Variants in PRDM1 observed in about 807,000 individuals in gnomAD.
PRDM1 encodes PR/SET domain 1.
PRDM1 carries 13 observed loss-of-function variants against 62.8 expected under a neutral mutation model. The observed-to-expected ratio is 0.21, with a 90% CI of 0.13 to 0.33. The LOEUF (loss-of-function observed/expected upper bound fraction) is 0.33, where lower values mean the gene tolerates loss of function less well. PRDM1 is among the 10% of genes least tolerant of loss of function. PRDM1 has a pLI of 1.00. For missense variants in PRDM1, 895 were observed against 1,058.8 expected (o/e 0.85, Z 2.15); for synonymous variants, 396 against 417.6 (o/e 0.95, Z 0.63).
At chr6:106,064,934 C>T (rs566107065) in intron 1 of PRDM1, among the ~76,000 whole-genome samples, 12 of 152,232 alleles carry the variant, frequency 7.9e-5, no homozygotes, top group African/African-American at 2.9e-4. Flanking sequence ...AGAGATGATG[C>T]TCTCTGCTGT....
intron 1 of PRDM1, among the ~76,000 whole-genome samples, chr6:106,068,632 C>T (rs1773469482): frequency 6.6e-6 from 1 of 152,112 alleles, no homozygotes; most frequent in South Asian, 2.1e-4. Context: ...ACGTTGTTAC[C>T]ACAAGCTGTA....
intron 2 of PRDM1, among the ~76,000 whole-genome samples, chr6:106,089,270 T>G (rs1233564656): frequency 6.6e-6 from 1 of 152,242 alleles, no homozygotes; most frequent in African/African-American, 2.4e-5. Flanking sequence ...AGTCTACTAC[T>G]GGGTTGAGTT....
At chr6:106,085,873 T>G, upstream of PRDM1, among the ~76,000 whole-genome samples, 1 of 148,500 alleles carries the variant, frequency 6.7e-6, no homozygotes, top group African/African-American at 2.4e-5. Context: ...CGGGGAAACG[T>G]GCGTTACATA....
chr6:106,099,104 A>T (rs746584965), intron 3 of PRDM1, 196 bp from the exon 4 acceptor site: 1 of 1,613,922 alleles, frequency 6.2e-7, no homozygotes, highest in Non-Finnish European at 8.5e-7. Context: ...GGTAACTGAC[A>T]AAAGTGTGCC....
upstream of PRDM1, among the ~76,000 whole-genome samples, chr6:106,047,766 C>G (rs1308799862): frequency 3.3e-5 from 5 of 152,104 alleles, no homozygotes; most frequent in African/African-American, 1.2e-4. Flanking sequence ...AGTTGAGAAC[C>G]TTTGATAGTT....
chr6:106,029,710 G>T (rs1203293875), intron 1 of PRDM1, among the ~76,000 whole-genome samples: 1 of 152,030 alleles, frequency 6.6e-6, no homozygotes, highest in Non-Finnish European at 1.5e-5. Context: ...AGGCTCAGGT[G>T]ATCCTCCTAC....
chr6:106,039,253 G>A (rs1772961007), intron 1 of PRDM1, among the ~76,000 whole-genome samples: 1 of 152,186 alleles, frequency 6.6e-6, no homozygotes, highest in Non-Finnish European at 1.5e-5. Flanking sequence ...GAGGCTCAGA[G>A]CTTTCCTCAA....
chr6:106,052,201 A>G (rs1773187255), intron 1 of PRDM1, among the ~76,000 whole-genome samples: 1 of 11,722 alleles, frequency 8.5e-5, no homozygotes, highest in Admixed American at 7.8e-4. Flanking sequence ...TACCACAATA[A>G]AGAAATATTC....
In PRDM1 at chr6:106,109,241, C is replaced by T. The variant is rs962805444; in HGVS notation, c.*1755C>T. Reference sequence around the variant, plus strand: ...GCAGTGGTGGGGACCACAAAACAACCAGGGAGGAAGAGATACATCATTTTT... The same window carrying T: ...GCAGTGGTGGGGACCACAAAACAACTAGGGAGGAAGAGATACATCATTTTT... On this transcript the variant is annotated 3_prime_UTR_variant, in exon 7 of 7. Transcript: ENST00000369096. 1 of 231,672 alleles carries T rather than the reference C, an allele frequency of 4.3e-6. No individual in the cohort carries two copies. The allele number at this position is 231,672 out of a possible 1,614,324, so 14.4% of individuals were successfully genotyped here. A position where few individuals can be genotyped will look rare whatever the true frequency, so the allele number is the denominator to read the frequency against.
At chr6:106,084,307 G>A (rs1043049994), upstream of PRDM1, among the ~76,000 whole-genome samples, 1 of 152,132 alleles carries the variant, frequency 6.6e-6, no homozygotes, top group African/African-American at 2.4e-5. Context: ...GGGTTGCCTG[G>A]CTAAGCCCCA....
At chr6:106,054,018 G>A (rs552230414) in intron 1 of PRDM1, among the ~76,000 whole-genome samples, 1 of 152,110 alleles carries the variant, frequency 6.6e-6, no homozygotes, top group East Asian at 1.9e-4. Flanking sequence ...CAGGATCATT[G>A]TGTTGGTCTC....
intron 1 of PRDM1, among the ~76,000 whole-genome samples, chr6:106,009,805 C>G (rs1029415073): frequency 6.6e-6 from 1 of 152,164 alleles, no homozygotes; most frequent in Non-Finnish European, 1.5e-5. Context: ...GCAACCTCTG[C>G]TTCCTGAGTT....
At chr6:106,021,019 A>G (rs1179585666) in intron 1 of PRDM1, among the ~76,000 whole-genome samples, 1 of 152,172 alleles carries the variant, frequency 6.6e-6, no homozygotes, top group Admixed American at 6.5e-5. Context: ...TCTTATTATA[A>G]AAGACTAGCA....
At chr6:106,051,841 G>A (rs1008325594) in intron 1 of PRDM1, among the ~76,000 whole-genome samples, 1 of 152,172 alleles carries the variant, frequency 6.6e-6, no homozygotes, top group African/African-American at 2.4e-5. Context: ...CAGGTAACCA[G>A]TTTGTTTTCT....
At chr6:106,036,944 A>G (rs1020126450) in intron 1 of PRDM1, among the ~76,000 whole-genome samples, 9 of 152,198 alleles carry the variant, frequency 5.9e-5, no homozygotes, top group African/African-American at 2.2e-4. Flanking sequence ...ACTCCCAAGT[A>G]GCTGGGACTA....
At position 106,095,640 on chromosome 6, in the gene PRDM1, A is replaced by C. The variant is rs776311086; in HGVS notation, c.317A>C (p.Tyr106Ser). The C allele has an allele frequency of 6.2e-7, 1 of 1,614,144 alleles. No individual in the cohort carries two copies. The highest frequency in any genetic ancestry group is 2.2e-5 in the East Asian group (1 of 44,886). The part of the protein sequence containing the change: ...EEVIGVMSKE[Y>S]IPKGTRFGPL... ...GTTATTGGAGTGATGAGTAAAGAAT[A>C]CATACCAAAGGGCACACGTTTTGGA... The change falls in exon 3 of 7, where the codon TAC (tyrosine) becomes TCC (serine). Residue 106 changes from tyrosine (Y) to serine (S), a missense_variant. Transcript: ENST00000369096.
chr6:106,064,581 C>T (rs941253670), intron 1 of PRDM1, among the ~76,000 whole-genome samples: 5 of 152,180 alleles, frequency 3.3e-5, no homozygotes, highest in Admixed American at 3.3e-4. Context: ...GGCCCAGCCT[C>T]AATTTATCTT....
intron 1 of PRDM1, among the ~76,000 whole-genome samples, chr6:105,998,945 T>TC (rs1772395081): frequency 7.7e-6 from 1 of 129,652 alleles, no homozygotes; most frequent in Non-Finnish European, 1.6e-5. Context: ...TTTTTTTTTT[T>TC]TTTTTCTTTT....
Position 106,106,601 on chromosome 6 carries a change from T to C in PRDM1, c.1902+102T>C. ...GCCCGTAGTTAAAGCCAACACCAGATTCTGCGTTGTCCCATCCTGGACTGA... is the reference window on the plus strand; with the variant it reads ...GCCCGTAGTTAAAGCCAACACCAGACTCTGCGTTGTCCCATCCTGGACTGA... On this transcript the variant is annotated intron_variant, in intron 6 of 6. Transcript: ENST00000369096. This position sits in a 1 kb window ranked among gnomAD's most constrained non-coding sequence, Gnocchi z 4.4. The C allele has an allele frequency of 6.7e-7, 1 of 1,490,020 alleles. No homozygotes were observed. Among genetic ancestry groups the C allele is most frequent in the Non-Finnish European group, 9.1e-7 (1 of 1,098,976 alleles). The allele number at this position is 1,490,020 out of a possible 1,614,324, so 92.3% of individuals were successfully genotyped here. A position where few individuals can be genotyped will look rare whatever the true frequency, so the allele number is the denominator to read the frequency against.
Sources: gnomAD v4.1 joint callset for allele counts (sites outside exome capture counted in the v4.1 genomes callset) on GRCh38, gnomAD v4.1.1 for gene constraint, Gnocchi (gnomAD v3.1) non-coding constraint, MANE v1.5 for transcripts, NCBI Gene and HGNC (gene_info 2026-07-23, HGNC 2026-07-21) for gene names.